Variants in IRGM observed in about 807,000 individuals in gnomAD.
IRGM encodes the protein immunity-related GTPase family M protein.
For synonymous variants in IRGM, 98 were observed against 80.6 expected (o/e 1.22, Z -1.16); for missense variants, 288 against 219.9 (o/e 1.31, Z -1.96).
At chr5:150,878,633 T>C (rs950684340) in intron 2 of IRGM, among the ~76,000 whole-genome samples, 1 of 152,110 alleles carries the variant, frequency 6.6e-6, no homozygotes, top group African/African-American at 2.4e-5. Flanking sequence ...TTTGTAGAAT[T>C]GTAGTAAAAC....
At chr5:150,880,235 TC>T (rs1754424741) in intron 3 of IRGM, among the ~76,000 whole-genome samples, 1 of 152,216 alleles carries the variant, frequency 6.6e-6, no homozygotes, top group Non-Finnish European at 1.5e-5. Context: ...CACATTGTTT[TC>T]TACATATTCC....
intron 1 of IRGM, among the ~76,000 whole-genome samples, chr5:150,868,952 T>C (rs1244175683): frequency 6.6e-6 from 1 of 152,170 alleles, no homozygotes; most frequent in African/African-American, 2.4e-5. Context: ...GACTTTCTCT[T>C]TACCGATTTG....
rs1581636822 is a variant in IRGM, at chr5:150,846,921, C to G, written c.-715C>G. 1 of 153,230 alleles carries G rather than the reference C, an allele frequency of 6.5e-6. No homozygotes were observed. Among genetic ancestry groups the G allele is most frequent in the Admixed American group, 6.5e-5 (1 of 15,312 alleles). The allele number at this position is 153,230 out of a possible 1,614,324, so 9.5% of individuals were successfully genotyped here. A position where few individuals can be genotyped will look rare whatever the true frequency, so the allele number is the denominator to read the frequency against. ...TCTTGAAGTCAGTGAGACGAAGAACCCACCAATTCCGGTAGGAGTAGGAAA... is the reference window on the plus strand; with the variant it reads ...TCTTGAAGTCAGTGAGACGAAGAACGCACCAATTCCGGTAGGAGTAGGAAA... On this transcript the variant is annotated 5_prime_UTR_variant, in exon 1 of 2. Coordinates refer to ENST00000522154, the MANE Select transcript of IRGM (RefSeq NM_001145805.2).
chr5:150,878,508 T>C (rs1754398783), intron 2 of IRGM, among the ~76,000 whole-genome samples: 1 of 149,962 alleles, frequency 6.7e-6, no homozygotes, highest in African/African-American at 2.4e-5. Context: ...TCTTCCCACC[T>C]TTTTTTGCCA....
At chr5:150,859,006 A>G (rs982143166) in intron 1 of IRGM, among the ~76,000 whole-genome samples, 2 of 152,030 alleles carry the variant, frequency 1.3e-5, no homozygotes, top group African/African-American at 2.4e-5. Context: ...TCTTGTGCCC[A>G]TTTTCAATGG....
intron 3 of IRGM, among the ~76,000 whole-genome samples, chr5:150,890,826 C>T (rs1286189161): frequency 6.6e-6 from 1 of 152,020 alleles, no homozygotes; most frequent in Non-Finnish European, 1.5e-5. Context: ...ATTAGAATCA[C>T]ATGAGAATGA....
chr5:150,899,588 A>G (rs1754922755), intron 3 of IRGM, among the ~76,000 whole-genome samples: 1 of 152,100 alleles, frequency 6.6e-6, no homozygotes, highest in South Asian at 2.1e-4. Flanking sequence ...CAATTACAGT[A>G]GCAACAAAAA....
intron 1 of IRGM, among the ~76,000 whole-genome samples, chr5:150,862,002 G>A (rs893352862): frequency 1.3e-5 from 2 of 152,232 alleles, no homozygotes; most frequent in African/African-American, 4.8e-5. Context: ...ATTGGGCTGA[G>A]TCTTTTGATT....
chr5:150,864,801 T>G (rs1754183189), intron 1 of IRGM, among the ~76,000 whole-genome samples: 1 of 152,182 alleles, frequency 6.6e-6, no homozygotes, highest in African/African-American at 2.4e-5. Flanking sequence ...CAATGGGTGT[T>G]TGTTGGAGGC....
At chr5:150,847,540 C>G (rs943748810) in intron 1 of IRGM, 169 bp from the exon 2 acceptor site, 1 of 152,882 alleles carries the variant, frequency 6.5e-6, no homozygotes, top group Non-Finnish European at 1.5e-5. Context: ...AGGGACCCTA[C>G]CTTTCTTGCT....
chr5:150,850,139 G>A (rs530252828), downstream of IRGM, among the ~76,000 whole-genome samples: 195 of 152,146 alleles, frequency 1.3e-3, no homozygotes, highest in Non-Finnish European at 1.6e-3. Flanking sequence ...AGAGTTTTCT[G>A]TGCTGCTGAA....
At chr5:150,871,734 G>A (rs1344876874) in intron 1 of IRGM, among the ~76,000 whole-genome samples, 1 of 152,164 alleles carries the variant, frequency 6.6e-6, no homozygotes, top group African/African-American at 2.4e-5. Flanking sequence ...GGTTACTCTT[G>A]GGTTTTTAAA....
At chr5:150,886,541 G>T (rs905477158) in intron 3 of IRGM, among the ~76,000 whole-genome samples, 1 of 151,744 alleles carries the variant, frequency 6.6e-6, no homozygotes, top group Non-Finnish European at 1.5e-5. Context: ...GGCTTTTTTT[G>T]GTTGGTAGGC....
intron 1 of IRGM, among the ~76,000 whole-genome samples, chr5:150,872,596 T>G (rs970716967): frequency 9.2e-5 from 14 of 152,188 alleles, no homozygotes. Context: ...AGGTGTGGGA[T>G]AATGTTGGAA....
chr5:150,866,375 G>C, intron 1 of IRGM, among the ~76,000 whole-genome samples: 1 of 152,146 alleles, frequency 6.6e-6, no homozygotes, highest in South Asian at 2.1e-4. Context: ...CATGGCACTG[G>C]CATACTCTAA....
At chr5:150,857,854 A>G (rs560420652) in intron 1 of IRGM, among the ~76,000 whole-genome samples, 5 of 151,570 alleles carry the variant, frequency 3.3e-5, no homozygotes, top group African/African-American at 1.2e-4. Context: ...GGTTGCGAAA[A>G]TTTTCTCCCA....
intron 3 of IRGM, among the ~76,000 whole-genome samples, chr5:150,889,084 C>T (rs1293848192): frequency 1.3e-5 from 2 of 151,424 alleles, no homozygotes; most frequent in African/African-American, 4.9e-5. Context: ...GTCTATTGAC[C>T]TTGTATCCTA....
In IRGM at chr5:150,846,653, A is replaced by G. The variant is rs890238156; in HGVS notation, c.-983A>G. The G allele has an allele frequency of 7.2e-6, 1 of 139,744 alleles. No individual in the cohort carries two copies. The highest frequency in any genetic ancestry group is 1.5e-5 in the Non-Finnish European group (1 of 66,584). The allele number at this position is 139,744 out of a possible 1,614,324, so 8.7% of individuals were successfully genotyped here. A position where few individuals can be genotyped will look rare whatever the true frequency, so the allele number is the denominator to read the frequency against. On this transcript the variant is annotated 5_prime_UTR_variant, in exon 1 of 2. Transcript: ENST00000522154. Reference sequence around the variant, plus strand: ...TGTAACACTCACCGTGAAGGTCTGCAGCATCACTCCTGAAACCTGTGAAAC... The same window carrying G: ...TGTAACACTCACCGTGAAGGTCTGCGGCATCACTCCTGAAACCTGTGAAAC...
intron 1 of IRGM, among the ~76,000 whole-genome samples, chr5:150,866,908 A>AT (rs964045588): frequency 5.9e-5 from 9 of 151,854 alleles, no homozygotes; most frequent in East Asian, 1.9e-4. Context: ...TTTGCAAGTG[A>AT]TTTTTTTTGC....
Sources: gnomAD v4.1 joint callset for allele counts (sites outside exome capture counted in the v4.1 genomes callset) on GRCh38, gnomAD v4.1.1 for gene constraint, MANE v1.5 for transcripts, NCBI Gene and HGNC (gene_info 2026-07-23, HGNC 2026-07-21) for gene names.